BMAL1: variants seen among roughly 807,000 people sequenced by gnomAD.
The protein encoded by BMAL1 is basic helix-loop-helix ARNT-like protein 1.
the BMAL1 span, among the ~76,000 whole-genome samples, chr11:13,337,667 A>C: frequency 6.6e-6 from 1 of 152,232 alleles, no homozygotes; most frequent in African/African-American, 2.4e-5. Context: ...ATTATCTATT[A>C]AATTTTGACG....
chr11:13,324,474 C>T, the BMAL1 span, among the ~76,000 whole-genome samples: 1 of 152,218 alleles, frequency 6.6e-6, no homozygotes, highest in Non-Finnish European at 1.5e-5. Context: ...CTCACCTTCA[C>T]TCCACGCTGG....
At chr11:13,319,320 C>T in the BMAL1 span, among the ~76,000 whole-genome samples, 122,868 of 152,122 alleles carry the variant, frequency 0.81, 49,907 homozygotes, top group Non-Finnish European at 0.86. Flanking sequence ...TTTGTGCACA[C>T]GTGTGAACTT....
At chr11:13,360,351 C>T in the BMAL1 span, 5 of 1,613,066 alleles carry the variant, frequency 3.1e-6, no homozygotes, top group Non-Finnish European at 4.2e-6. Flanking sequence ...TAAGGTGCCA[C>T]CAATCCATAC....
At chr11:13,322,513 C>A in the BMAL1 span, among the ~76,000 whole-genome samples, 1 of 152,168 alleles carries the variant, frequency 6.6e-6, no homozygotes, top group East Asian at 1.9e-4. Context: ...TATATAATTT[C>A]TTTTGCATTT....
chr11:13,329,417 A>G, the BMAL1 span, among the ~76,000 whole-genome samples: 3 of 152,210 alleles, frequency 2.0e-5, no homozygotes, highest in Non-Finnish European at 4.4e-5. Context: ...GGCAGGAGCC[A>G]TGTCACAGGA....
chr11:13,327,993 T>C, the BMAL1 span, among the ~76,000 whole-genome samples: 2 of 152,204 alleles, frequency 1.3e-5, no homozygotes, highest in Non-Finnish European at 2.9e-5. Flanking sequence ...TTAAGGGTTG[T>C]TGGGCAATTT....
At chr11:13,385,057 C>T in the BMAL1 span, among the ~76,000 whole-genome samples, 6 of 152,200 alleles carry the variant, frequency 3.9e-5, no homozygotes, top group East Asian at 1.9e-4. Context: ...TGTTTCCTCA[C>T]GTATATCCAG....
chr11:13,355,730 C>A, the BMAL1 span, among the ~76,000 whole-genome samples: 1 of 152,108 alleles, frequency 6.6e-6, no homozygotes, highest in East Asian at 1.9e-4. Context: ...TCCTTCCGTG[C>A]GGCCTGCGTG....
At chr11:13,360,992 T>G in the BMAL1 span, among the ~76,000 whole-genome samples, 1 of 152,172 alleles carries the variant, frequency 6.6e-6, no homozygotes. Context: ...GGCAGATGCC[T>G]TCTTGGGAGG....
At chr11:13,300,542 G>A in the BMAL1 span, among the ~76,000 whole-genome samples, 1 of 152,214 alleles carries the variant, frequency 6.6e-6, no homozygotes. Context: ...TTGTTCCTGA[G>A]TGTGGAGGGG....
the BMAL1 span, among the ~76,000 whole-genome samples, chr11:13,284,208 A>G: frequency 1.8e-3 from 79 of 43,588 alleles, 5 homozygotes; most frequent in African/African-American, 5.1e-3. Flanking sequence ...GTATATATAT[A>G]TGTGTATATA....
the BMAL1 span, among the ~76,000 whole-genome samples, chr11:13,377,405 C>T: frequency 1.9e-3 from 293 of 152,296 alleles, no homozygotes; most frequent in African/African-American, 6.5e-3. Context: ...GCTGTTGTCT[C>T]TCCCCCATTA....
chr11:13,279,275 A>G, the BMAL1 span, among the ~76,000 whole-genome samples: 1 of 152,172 alleles, frequency 6.6e-6, no homozygotes. Flanking sequence ...CTACCCGTAT[A>G]CCCGTATTTC....
At chr11:13,372,074 C>T in the BMAL1 span, 2 of 1,534,776 alleles carry the variant, frequency 1.3e-6, no homozygotes, top group African/African-American at 2.8e-5. Context: ...TTTTTTGACT[C>T]CCTACCTACA....
the BMAL1 span, among the ~76,000 whole-genome samples, chr11:13,349,774 G>C: frequency 6.6e-6 from 1 of 152,190 alleles, no homozygotes; most frequent in Non-Finnish European, 1.5e-5. Flanking sequence ...CGGCCAGGCA[G>C]CAAGGGGTGG....
chr11:13,331,666 G>GT, the BMAL1 span, among the ~76,000 whole-genome samples: 1 of 152,194 alleles, frequency 6.6e-6, no homozygotes, highest in African/African-American at 2.4e-5. Flanking sequence ...ATCATGGTGG[G>GT]TTTTTTCTGA....
chr11:13,359,545 G>T, the BMAL1 span, among the ~76,000 whole-genome samples: 5 of 152,184 alleles, frequency 3.3e-5, no homozygotes, highest in Non-Finnish European at 7.4e-5. Context: ...CAAATCTCAA[G>T]TTACAGTAAA....
At chr11:13,301,640 A>G in the BMAL1 span, among the ~76,000 whole-genome samples, 1 of 152,180 alleles carries the variant, frequency 6.6e-6, no homozygotes, top group Non-Finnish European at 1.5e-5. Flanking sequence ...CAGCAAAGGT[A>G]AAAGGCCTGA....
At chr11:13,366,484 G>A in the BMAL1 span, among the ~76,000 whole-genome samples, 1 of 152,184 alleles carries the variant, frequency 6.6e-6, no homozygotes, top group African/African-American at 2.4e-5. Flanking sequence ...CCAACCTCCA[G>A]ATGCCTCCTT....
Sources: allele counts gnomAD v4.1 joint callset (sites outside exome capture counted in the v4.1 genomes callset), GRCh38; gene constraint gnomAD v4.1.1; transcripts MANE v1.5; gene names NCBI Gene and HGNC (gene_info 2026-07-23, HGNC 2026-07-21).